ACTN2: variants seen among roughly 807,000 people sequenced by gnomAD.
ACTN2 encodes alpha-actinin-2.
ACTN2 carries 39 observed loss-of-function variants against 113.8 expected under a neutral mutation model. The ratio of observed to expected loss-of-function variants is 0.34; its 90% CI spans 0.27 to 0.45. The LOEUF is 0.45. Ranked by LOEUF, ACTN2 falls within the 20% of genes least tolerant of loss-of-function variation. The pLI is 1.00. For missense variants in ACTN2, 992 were observed against 1,177.9 expected (o/e 0.84, Z 2.31); for synonymous variants, 429 against 444.1 (o/e 0.97, Z 0.43).
chr1:236,762,486 G>T lies in ACTN2; in HGVS notation c.2552G>T (p.Arg851Leu). 1.2e-6 allele frequency: 2 copies of T among 1,614,144 alleles called. No homozygotes were observed. Among genetic ancestry groups the T allele is most frequent in the Non-Finnish European group, 1.7e-6 (2 of 1,180,000 alleles). The change falls in exon 21 of 21, where the codon CGT becomes CTT. Residue 851 changes from arginine to leucine, a missense_variant. This residue lies in a region of ACTN2 where 736 missense variants were observed against 815.4 expected (regional missense o/e 0.90). Transcript: ENST00000366578. ...DKPYILAEEL[R>L]RELPPDQAQY... ...CCATACATCCTGGCGGAGGAGCTGC[G>T]TCGGGAGCTGCCCCCGGATCAGGCC...
At chr1:236,725,910 C>G (rs1658536624) in intron 4 of ACTN2, 23 bp from the exon 5 acceptor site, 1 of 1,613,122 alleles carries the variant, frequency 6.2e-7, no homozygotes, top group Middle Eastern at 1.6e-4. Flanking sequence ...CCTGGGGCCA[C>G]TTTTTCTTGG....
chr1:236,746,350 A>G (rs1012616026), intron 12 of ACTN2, among the ~76,000 whole-genome samples: 1 of 152,084 alleles, frequency 6.6e-6, no homozygotes, highest in African/African-American at 2.4e-5. Flanking sequence ...GAAAAAGGTG[A>G]TTAAGTTTTG....
chr1:236,723,410 G>A (rs1396514760), intron 4 of ACTN2, among the ~76,000 whole-genome samples: 1 of 152,098 alleles, frequency 6.6e-6, no homozygotes, highest in South Asian at 2.1e-4. Context: ...ATTTTATCTG[G>A]GTTATGGGTC....
At chr1:236,712,797 G>A (rs1332272625) in intron 1 of ACTN2, among the ~76,000 whole-genome samples, 1 of 152,100 alleles carries the variant, frequency 6.6e-6, no homozygotes, top group Non-Finnish European at 1.5e-5. Context: ...ATTATGAAGA[G>A]ATTTAAATAA....
intron 4 of ACTN2, among the ~76,000 whole-genome samples, chr1:236,721,807 A>G (rs1328574899): frequency 1.3e-5 from 2 of 152,244 alleles, no homozygotes; most frequent in Non-Finnish European, 2.9e-5. Flanking sequence ...CAAATATTAC[A>G]GAGGTGAAGT....
chr1:236,744,536 G>T, intron 11 of ACTN2, 90 bp from the exon 12 acceptor site: 1 of 1,489,600 alleles, frequency 6.7e-7, no homozygotes, highest in Non-Finnish European at 9.2e-7. Flanking sequence ...TTGGTTCTTT[G>T]GAATCTCACC....
chr1:236,759,536 T>C (rs549570059), intron 18 of ACTN2, among the ~76,000 whole-genome samples, 188 bp from the exon 19 acceptor site: 57 of 152,224 alleles, frequency 3.7e-4, no homozygotes, highest in Non-Finnish European at 7.5e-4. Context: ...TCCCCTCTTT[T>C]TCATTTTTAA....
chr1:236,696,294 G>A (rs570799591), intron 1 of ACTN2, among the ~76,000 whole-genome samples: 2 of 147,398 alleles, frequency 1.4e-5, no homozygotes, highest in South Asian at 2.2e-4. Flanking sequence ...CTCCAGCTTC[G>A]GTGACAGAAG....
chr1:236,719,674 T>C (rs1291535350), intron 3 of ACTN2, among the ~76,000 whole-genome samples: 10 of 151,894 alleles, frequency 6.6e-5, no homozygotes, highest in Non-Finnish European at 1.0e-4. Flanking sequence ...CCTGTAGTCC[T>C]TGTAGTCCCA....
chr1:236,732,615 GT>G (rs541203305), intron 7 of ACTN2, among the ~76,000 whole-genome samples: 6 of 151,536 alleles, frequency 4.0e-5, no homozygotes, highest in African/African-American at 7.3e-5. Flanking sequence ...GCTACTTTTT[GT>G]TTTTTTAGTA....
intron 11 of ACTN2, among the ~76,000 whole-genome samples, chr1:236,743,960 A>G (rs758569676): frequency 2.0e-5 from 3 of 152,252 alleles, no homozygotes; most frequent in Non-Finnish European, 4.4e-5. Flanking sequence ...TAAGTGGTAC[A>G]TCGTCATCAT....
chr1:236,720,213 C>T, intron 4 of ACTN2, 22 bp downstream of exon 4: 1 of 1,552,060 alleles, frequency 6.4e-7, no homozygotes, highest in Middle Eastern at 1.7e-4. Flanking sequence ...GGTTAAAAGT[C>T]TAATTGTATA....
At chr1:236,752,988 A>G (rs1449008935) in intron 15 of ACTN2, among the ~76,000 whole-genome samples, 1 of 152,258 alleles carries the variant, frequency 6.6e-6, no homozygotes, top group Non-Finnish European at 1.5e-5. Flanking sequence ...ACACAAAGAA[A>G]GATTTTTGAA....
At chr1:236,722,676 T>C (rs998314593) in intron 4 of ACTN2, among the ~76,000 whole-genome samples, 10 of 150,730 alleles carry the variant, frequency 6.6e-5, no homozygotes, top group Admixed American at 6.6e-4. Flanking sequence ...GAGATTAATA[T>C]ATCTGTTGAT....
At chr1:236,739,679 C>G in intron 10 of ACTN2, 147 bp downstream of exon 10, 1 of 988,090 alleles carries the variant, frequency 1.0e-6, no homozygotes, top group South Asian at 1.4e-5. Flanking sequence ...CCACTTTGTT[C>G]TTAATACTTT....
intron 9 of ACTN2, among the ~76,000 whole-genome samples, chr1:236,738,555 C>T (rs1349005183): frequency 6.6e-6 from 1 of 152,166 alleles, no homozygotes; most frequent in Non-Finnish European, 1.5e-5. Context: ...CTTACTGGGT[C>T]CTTCATTTAT....
At chr1:236,751,787 T>C (rs747402878) in intron 15 of ACTN2, 135 bp downstream of exon 15, 5 of 1,063,842 alleles carry the variant, frequency 4.7e-6, no homozygotes, top group Non-Finnish European at 7.0e-6. Flanking sequence ...TTATCCCAAA[T>C]TTCACAGGCA....
intron 4 of ACTN2, among the ~76,000 whole-genome samples, chr1:236,723,368 G>C (rs1371268387): frequency 6.6e-6 from 1 of 152,194 alleles, no homozygotes; most frequent in African/African-American, 2.4e-5. Flanking sequence ...AGTTGTTCAA[G>C]TTATAGCACA....
intron 7 of ACTN2, 146 bp from the exon 8 acceptor site, chr1:236,735,489 C>T (rs1658840994): frequency 2.7e-6 from 2 of 739,592 alleles, no homozygotes; most frequent in East Asian, 2.7e-5. Context: ...TCCTGAGGTT[C>T]GGGACCACGG....
Sources: gnomAD v4.1 joint callset for allele counts (sites outside exome capture counted in the v4.1 genomes callset) on GRCh38, gnomAD v4.1.1 for gene constraint, gnomAD v4.1.1 regional missense constraint, MANE v1.5 for transcripts, NCBI Gene and HGNC (gene_info 2026-07-23, HGNC 2026-07-21) for gene names.